The following AP2A2 variants were observed in gnomAD, a reference collection of about 807,000 sequenced individuals.
AP2A2 encodes the protein adaptor related protein complex 2 subunit alpha 2, also known as AP-2 complex subunit alpha-2.
A neutral mutation model predicts 104.2 loss-of-function variants in AP2A2; 32 were observed. The observed-to-expected ratio is 0.31, with a 90% CI of 0.23 to 0.41. The LOEUF is 0.41. Among genes scored for constraint, AP2A2 ranks in the 10% least tolerant of loss-of-function variants. The pLI is 1.00. For synonymous variants in AP2A2, 539 were observed against 533.3 expected, an observed-to-expected ratio of 1.01 and a Z score of -0.15; for missense variants, 912 against 1,261.0, an observed-to-expected ratio of 0.72 and a Z score of 4.19.
At position 1,001,001 on chromosome 11, in the gene AP2A2, G is replaced by A. The variant is rs113760540; in HGVS notation, c.2123+403G>A. ...GCTGCTTTTCATTCTGACTTAAGCCGTCTTGTCTGTGTCTGTCCTGGAGGC... is the reference window on the plus strand; with the variant it reads ...GCTGCTTTTCATTCTGACTTAAGCCATCTTGTCTGTGTCTGTCCTGGAGGC... On this transcript the variant is annotated intron_variant, in intron 15 of 21. Coordinates refer to ENST00000448903, the MANE Select transcript of AP2A2 (RefSeq NM_012305.4). 1.4e-4 allele frequency among the ~76,000 whole-genome samples: 21 copies of A among 152,298 alleles called. No homozygotes were observed. The East Asian group carries it at 2.3e-3, about 17-fold the overall frequency.
intron 14 of AP2A2, chr11:996,274 A>G (rs1341711065): frequency 6.6e-6 from 1 of 152,412 alleles, no homozygotes; most frequent in East Asian, 1.9e-4. Flanking sequence ...GCTGGTGTGC[A>G]GGGATTCCTG....
intron 2 of AP2A2, among the ~76,000 whole-genome samples, chr11:961,683 C>CAG (rs1228316278): frequency 1.6e-5 from 2 of 124,308 alleles, no homozygotes; most frequent in African/African-American, 3.1e-5. Flanking sequence ...GTGGGTCTGA[C>CAG]AGTCGCCGCC....
chr11:971,722 A>T (rs1051181742), intron 3 of AP2A2, among the ~76,000 whole-genome samples: 1 of 152,146 alleles, frequency 6.6e-6, no homozygotes, highest in Admixed American at 6.5e-5. Flanking sequence ...TAACTTGAGG[A>T]TAGTGTGATG....
intron 5 of AP2A2, among the ~76,000 whole-genome samples, chr11:979,378 A>T (rs1855163528): frequency 1.3e-5 from 2 of 151,966 alleles, no homozygotes; most frequent in South Asian, 2.1e-4. Context: ...TTGCTCACCG[A>T]GAAATACAGG....
chr11:988,794 A>G (rs551317283), intron 10 of AP2A2, 105 bp downstream of exon 10: 1 of 1,413,922 alleles, frequency 7.1e-7, no homozygotes, highest in Non-Finnish European at 9.8e-7. Flanking sequence ...TTGATTGAGA[A>G]CCCATGAGAT....
At chr11:930,678 G>A (rs537915439) in intron 1 of AP2A2, among the ~76,000 whole-genome samples, 4 of 152,112 alleles carry the variant, frequency 2.6e-5, no homozygotes, top group Admixed American at 2.0e-4. Flanking sequence ...ACGCCACCAC[G>A]CCCGGCTAAT....
intron 1 of AP2A2, among the ~76,000 whole-genome samples, chr11:935,793 A>G (rs1327619554): frequency 7.0e-6 from 1 of 142,694 alleles, no homozygotes. Flanking sequence ...ACGGAGTTTC[A>G]CCATCTTGGC....
intron 10 of AP2A2, among the ~76,000 whole-genome samples, chr11:990,352 T>C (rs1297123197): frequency 2.0e-5 from 3 of 152,186 alleles, no homozygotes; most frequent in Non-Finnish European, 2.9e-5. Context: ...GGTCCCTCTC[T>C]GGCCTGGCTG....
At chr11:991,180 G>A (rs1263605131) in intron 10 of AP2A2, among the ~76,000 whole-genome samples, 32 of 152,226 alleles carry the variant, frequency 2.1e-4, no homozygotes, top group Non-Finnish European at 1.5e-5. Flanking sequence ...GTTTCCCTCT[G>A]TCCTTTCAGT....
chr11:927,348 A>G (rs1000236480), intron 1 of AP2A2, among the ~76,000 whole-genome samples: 1 of 152,090 alleles, frequency 6.6e-6, no homozygotes, highest in Non-Finnish European at 1.5e-5. Flanking sequence ...TACTGGCGTG[A>G]GCCACGGCAC....
intron 1 of AP2A2, among the ~76,000 whole-genome samples, chr11:941,750 G>T (rs1853653219): frequency 1.3e-5 from 2 of 151,700 alleles, no homozygotes; most frequent in Admixed American, 1.3e-4. Context: ...ACCACGCCCG[G>T]CTAATTTTTG....
At chr11:967,621 A>C (rs1564798349) in intron 2 of AP2A2, among the ~76,000 whole-genome samples, 1 of 151,946 alleles carries the variant, frequency 6.6e-6, no homozygotes, top group Non-Finnish European at 1.5e-5. Context: ...CAGCCTCCCA[A>C]AGTGCTGGGA....
chr11:986,884 G>T lies in AP2A2; in HGVS notation c.1062G>T (p.Thr354=), dbSNP rs528316140. 2 of 1,608,354 alleles carry T rather than the reference G, an allele frequency of 1.2e-6. No individual in the cohort carries two copies. The highest frequency in any genetic ancestry group is 1.3e-5 in the African/African-American group (1 of 74,940). The change falls in exon 9 of 22, where the codon ACG becomes ACT. Residue 354 remains threonine (T), a synonymous_variant. Coordinates refer to ENST00000448903, the MANE Select transcript of AP2A2 (RefSeq NM_012305.4). ...LRYLALESMC[T]LASSEFSHEA... ...ACCTGGCCCTGGAGAGCATGTGCACGCTGGCCAGCTCTGAGTTCTCCCATG... is the reference window on the plus strand; with the variant it reads ...ACCTGGCCCTGGAGAGCATGTGCACTCTGGCCAGCTCTGAGTTCTCCCATG...
At chr11:973,728 C>A (rs760319096) in intron 4 of AP2A2, among the ~76,000 whole-genome samples, 7 of 152,176 alleles carry the variant, frequency 4.6e-5, no homozygotes, top group Non-Finnish European at 1.0e-4. Context: ...GCCAGCAGGT[C>A]CAGTGGATTC....
In AP2A2 at chr11:1,009,792, G is replaced by A. The variant is rs1281139953; in HGVS notation, c.2717G>A (p.Arg906His). ...TKTTQIGCLL[R>H]LEPNLQAQMY... is the part of the protein sequence containing the mutation. ...ACCACCCAGATTGGATGCCTGCTGCGCTTGGAGCCGAACCTGCAAGCCCAG... is the reference window on the plus strand; with the variant it reads ...ACCACCCAGATTGGATGCCTGCTGCACTTGGAGCCGAACCTGCAAGCCCAG... The change falls in exon 21 of 22, where the codon CGC (arginine) becomes CAC (histidine). Residue 906 changes from arginine to histidine, a missense_variant. Around this residue, in one of 7 missense-constraint regions of AP2A2, gnomAD observed 239 missense variants for 329.8 expected, o/e 0.72. Transcript: ENST00000448903. 7.1e-6 allele frequency: 11 copies of A among 1,548,314 alleles called. No individual in the cohort carries two copies. Among genetic ancestry groups the A allele is most frequent in the Non-Finnish European group, 9.6e-6 (11 of 1,144,468 alleles).
chr11:933,534 G>A, intron 1 of AP2A2: 1 of 456,274 alleles, frequency 2.2e-6, no homozygotes. Flanking sequence ...TGTGTGGTAA[G>A]ATGAGCTCTG....
intron 2 of AP2A2, among the ~76,000 whole-genome samples, chr11:964,669 G>A (rs940960178): frequency 1.7e-4 from 26 of 151,986 alleles, no homozygotes; most frequent in African/African-American, 5.6e-4. Context: ...TTAATAAAAT[G>A]TTGTGAACAA....
chr11:998,019 G>T (rs1008910666), intron 14 of AP2A2, among the ~76,000 whole-genome samples: 4 of 152,270 alleles, frequency 2.6e-5, no homozygotes, highest in African/African-American at 7.2e-5. Context: ...TGGGCTGCAG[G>T]TGCATGGCCA....
intron 1 of AP2A2, among the ~76,000 whole-genome samples, chr11:932,079 A>C (rs11604666): frequency 0.068 from 10,370 of 152,132 alleles, 434 homozygotes; most frequent in South Asian, 0.11. Context: ...CTTGTGCCTC[A>C]GTCTCCCGAG....
Sources: gnomAD v4.1 joint callset for allele counts (sites outside exome capture counted in the v4.1 genomes callset) on GRCh38, gnomAD v4.1.1 for gene constraint, gnomAD v4.1.1 regional missense constraint, MANE v1.5 for transcripts, NCBI Gene and HGNC (gene_info 2026-07-23, HGNC 2026-07-21) for gene names.